MTA3: variants seen among roughly 807,000 people sequenced by gnomAD.
The protein encoded by MTA3 is metastasis associated 1 family member 3, also known as metastasis-associated protein MTA3.
A neutral mutation model predicts 83.5 loss-of-function variants in MTA3; 34 were observed. The observed-to-expected ratio is 0.41, with a 90% CI of 0.31 to 0.54. The LOEUF (loss-of-function observed/expected upper bound fraction) is 0.54, where lower values mean the gene tolerates loss of function less well. Among genes scored for constraint, MTA3 ranks in the 20% least tolerant of loss-of-function variants. The pLI is 0.33. For synonymous variants in MTA3, 303 were observed against 252.7 expected, an observed-to-expected ratio of 1.20 and a Z score of -1.89; for missense variants, 761 against 726.4, an observed-to-expected ratio of 1.05 and a Z score of -0.55.
chr2:42,628,772 CTT>C (rs1362469763), intron 4 of MTA3, among the ~76,000 whole-genome samples: 10 of 37,382 alleles, frequency 2.7e-4, no homozygotes, highest in Admixed American at 3.3e-4. Context: ...CATTTCCACC[CTT>C]TTTTTTTTTT....
chr2:42,714,461 A>G (rs1417303170), intron 14 of MTA3, among the ~76,000 whole-genome samples: 1 of 151,970 alleles, frequency 6.6e-6, no homozygotes, highest in Non-Finnish European at 1.5e-5. Context: ...AACTCTACTG[A>G]TAGTTTTATC....
intron 2 of MTA3, among the ~76,000 whole-genome samples, chr2:42,548,835 T>TATATATATAATATATATATATA: frequency 6.8e-5 from 1 of 14,616 alleles, no homozygotes. Flanking sequence ...ATATAATATA[T>TATATATATAATATATATATATA]ATATATATAT....
At chr2:42,749,866 A>C (rs1231611965) in intron 16 of MTA3, among the ~76,000 whole-genome samples, 2 of 152,216 alleles carry the variant, frequency 1.3e-5, no homozygotes, top group Non-Finnish European at 2.9e-5. Flanking sequence ...AGAGCTCCTC[A>C]GTCCTTCTAT....
chr2:42,529,055 C>G (rs914501227), intron 2 of MTA3, among the ~76,000 whole-genome samples: 1 of 152,146 alleles, frequency 6.6e-6, no homozygotes, highest in Admixed American at 6.6e-5. Context: ...GAAAAAGAAA[C>G]CTTTAGGCAG....
At chr2:42,602,211 A>C (rs1190327499) in intron 3 of MTA3, among the ~76,000 whole-genome samples, 1 of 152,126 alleles carries the variant, frequency 6.6e-6, no homozygotes, top group Non-Finnish European at 1.5e-5. Flanking sequence ...TCCTGGGCTC[A>C]AGCTGTCCAC....
chr2:42,745,548 A>C (rs1250696973), intron 16 of MTA3, among the ~76,000 whole-genome samples: 1 of 152,164 alleles, frequency 6.6e-6, no homozygotes, highest in Admixed American at 6.5e-5. Flanking sequence ...TAGTTTTTAA[A>C]ATTTATTTTT....
At chr2:42,503,262 T>C (rs1019317248) in intron 2 of MTA3, among the ~76,000 whole-genome samples, 2 of 152,224 alleles carry the variant, frequency 1.3e-5, no homozygotes, top group Non-Finnish European at 2.9e-5. Context: ...TTTCTGACAT[T>C]GCCATGGCAT....
upstream of MTA3, chr2:42,494,223 T>C (rs1424885775): frequency 6.6e-6 from 1 of 151,900 alleles, no homozygotes. Flanking sequence ...CGGCCCGTAG[T>C]GGCGGGGAGG....
In MTA3 at chr2:42,686,925, G is replaced by A. The variant is rs1372292464; in HGVS notation, c.891+4336G>A. Among the ~76,000 whole-genome samples, 6 of 150,542 alleles carry A rather than the reference G, an allele frequency of 4.0e-5. No homozygotes were observed. The East Asian group carries it at 1.2e-3, about 29-fold the overall frequency. ...CTTGAGGCCAGGAGTTTGAGACCAG[G>A]CTGGCCAATATGGTGAAACCCCATC... is the stretch of plus-strand genomic sequence containing the variant. On this transcript the variant is annotated intron_variant, in intron 9 of 16. Transcript: ENST00000405094.
chr2:42,727,095 G>A (rs1412441438), intron 16 of MTA3, among the ~76,000 whole-genome samples: 1 of 152,154 alleles, frequency 6.6e-6, no homozygotes, highest in Non-Finnish European at 1.5e-5. Context: ...ACTTGGCGGG[G>A]GCTGAGGCAG....
At chr2:42,631,519 A>G (rs145478590) in intron 4 of MTA3, among the ~76,000 whole-genome samples, 4 of 152,018 alleles carry the variant, frequency 2.6e-5, no homozygotes, top group African/African-American at 9.6e-5. Flanking sequence ...TTGATTTTCA[A>G]TTTTTGTGGC....
intron 4 of MTA3, among the ~76,000 whole-genome samples, chr2:42,610,706 G>A (rs547560485): frequency 2.6e-5 from 4 of 152,242 alleles, no homozygotes; most frequent in Admixed American, 1.3e-4. Flanking sequence ...CCTCGGTCAG[G>A]AAAGCTTCAA....
In MTA3 at chr2:42,756,074, A is replaced by G. The variant is rs1200258673; in HGVS notation, c.*2675A>G. ...TCATCCAGAGATTTGTTTAACACAA[A>G]ACAAGAAAAGCTGAGAGGCAAAACA... On this transcript the variant is annotated 3_prime_UTR_variant, in exon 17 of 17. Transcript: ENST00000405094. 3.1e-6 allele frequency: 3 copies of G among 966,962 alleles called. No homozygotes were observed. Among genetic ancestry groups the G allele is most frequent in the Middle Eastern group, 5.4e-4 (1 of 1,864 alleles). The allele number at this position is 966,962 out of a possible 1,614,324, so 59.9% of individuals were successfully genotyped here. A position where few individuals can be genotyped will look rare whatever the true frequency, so the allele number is the denominator to read the frequency against.
rs141652732 is a variant in MTA3 at position 42,752,963 on chromosome 2, C to T, written c.1760-411C>T. On this transcript the variant is annotated intron_variant, in intron 16 of 16. Coordinates refer to ENST00000405094, the MANE Select transcript of MTA3 (RefSeq NM_001330442.2). The stretch of plus-strand genomic sequence containing the variant: ...TTTTTCAGACAGGGTCTTGCTCTGT[C>T]GCCTGGGCTGGAGTGCCGTGGTGCG... Among the ~76,000 whole-genome samples the T allele has an allele frequency of 4.4e-3, 656 of 149,518 alleles. 7 individuals carry two copies. The highest frequency in any genetic ancestry group is 0.015 in the African/African-American group (604 of 40,506).
chr2:42,717,827 A>T (rs185229349), intron 14 of MTA3, among the ~76,000 whole-genome samples: 1 of 152,244 alleles, frequency 6.6e-6, no homozygotes, highest in South Asian at 2.1e-4. Flanking sequence ...ATGGCCAAGT[A>T]TGGCCCATCT....
intron 2 of MTA3, among the ~76,000 whole-genome samples, chr2:42,498,758 T>C (rs1012281614): frequency 2.6e-5 from 4 of 152,168 alleles, no homozygotes; most frequent in African/African-American, 9.7e-5. Flanking sequence ...ATGTTTGTAA[T>C]GGCTGTCTAT....
chr2:42,700,877 G>T (rs552167651), intron 11 of MTA3, among the ~76,000 whole-genome samples: 4 of 152,326 alleles, frequency 2.6e-5, no homozygotes, highest in African/African-American at 9.6e-5. Context: ...GAGGCAGGAA[G>T]ACTGCTTGAA....
chr2:42,754,652 A>G lies in MTA3; in HGVS notation c.*1253A>G. 1.0e-6 allele frequency: 1 copy of G among 985,506 alleles called. No homozygotes were observed. The highest frequency in any genetic ancestry group is 1.2e-6 in the Non-Finnish European group (1 of 829,962). The allele number at this position is 985,506 out of a possible 1,614,324, so 61.0% of individuals were successfully genotyped here. On this transcript the variant is annotated 3_prime_UTR_variant, in exon 17 of 17. Transcript: ENST00000405094. ...TTGCAGGCACAGGGTCACAGTCCCA[A>G]GAAAGACAACTGGAGTCTGATCTCC... is the stretch of plus-strand genomic sequence containing the variant.
At chr2:42,544,316 C>A (rs954195828) in intron 2 of MTA3, among the ~76,000 whole-genome samples, 1 of 151,690 alleles carries the variant, frequency 6.6e-6, no homozygotes, top group African/African-American at 2.4e-5. Context: ...CATGGTGGCA[C>A]GTGCCTATAG....
Sources: gnomAD v4.1 joint callset for allele counts (sites outside exome capture counted in the v4.1 genomes callset) on GRCh38, gnomAD v4.1.1 for gene constraint, MANE v1.5 for transcripts, NCBI Gene and HGNC (gene_info 2026-07-23, HGNC 2026-07-21) for gene names.